Variants in CRYBG1 observed in about 807,000 individuals in gnomAD.
The protein encoded by CRYBG1 is beta/gamma crystallin domain-containing protein 1.
Under a neutral mutation model 189.2 loss-of-function variants are expected in CRYBG1, and 139 were observed. The ratio of observed to expected loss-of-function variants is 0.73; its 90% CI spans 0.64 to 0.85. The LOEUF is 0.85. CRYBG1 is among the 40% of genes least tolerant of loss of function. The pLI, the probability that CRYBG1 is intolerant of heterozygous loss-of-function variation, is 0.00. For missense variants in CRYBG1, 2,611 were observed against 2,675.8 expected, an observed-to-expected ratio of 0.98 and a Z score of 0.53; for synonymous variants, 1,023 against 1,017.1, an observed-to-expected ratio of 1.01 and a Z score of -0.11.
chr6:106,535,670 A>G lies in CRYBG1; in HGVS notation c.4719-3733A>G, dbSNP rs143433741. ...TCAAATCAGGATCCAATCAAGGTTC[A>G]CATAAATGCGTTTGATTGTTCTGTC... On this transcript the variant is annotated intron_variant, in intron 8 of 21. Transcript: ENST00000633556. Among the ~76,000 whole-genome samples the G allele has an allele frequency of 6.3e-3, 961 of 152,278 alleles. 6 individuals are homozygous for G. The highest frequency in any genetic ancestry group is 0.011 in the Non-Finnish European group (725 of 68,032).
At chr6:106,562,650 CTAACTTTTT>C (rs1774756059) in intron 20 of CRYBG1, among the ~76,000 whole-genome samples, 1 of 152,098 alleles carries the variant, frequency 6.6e-6, no homozygotes, top group South Asian at 2.1e-4. Flanking sequence ...CCACGCCCAG[CTAACTTTTT>C]TGTATTTTTA....
chr6:106,394,047 G>A (rs561059819), intron 1 of CRYBG1, among the ~76,000 whole-genome samples: 1 of 152,158 alleles, frequency 6.6e-6, no homozygotes, highest in African/African-American at 2.4e-5. Flanking sequence ...TGAATGAAAG[G>A]GTATACGGCC....
At chr6:106,470,641 CAAGTATAT>C (rs1772214165) in intron 2 of CRYBG1, among the ~76,000 whole-genome samples, 1 of 152,058 alleles carries the variant, frequency 6.6e-6, no homozygotes, top group Admixed American at 6.5e-5. Context: ...AACACAAAAG[CAAGTATAT>C]AATCATAAAA....
chr6:106,429,031 T>C (rs1392478765), intron 1 of CRYBG1, among the ~76,000 whole-genome samples: 1 of 152,222 alleles, frequency 6.6e-6, no homozygotes, highest in Non-Finnish European at 1.5e-5. Flanking sequence ...CTTCTCTTTA[T>C]GGAGATTTTT....
intron 9 of CRYBG1, among the ~76,000 whole-genome samples, chr6:106,540,157 C>T (rs921146730): frequency 6.6e-6 from 1 of 152,056 alleles, no homozygotes; most frequent in Non-Finnish European, 1.5e-5. Flanking sequence ...CTCCCTTGTC[C>T]CAGTGTCTTG....
chr6:106,421,073 C>T (rs1258231747), intron 1 of CRYBG1, among the ~76,000 whole-genome samples: 1 of 152,100 alleles, frequency 6.6e-6, no homozygotes, highest in Non-Finnish European at 1.5e-5. Context: ...GGAATGGGGA[C>T]AGGAAGCCAT....
Position 106,361,975 on chromosome 6 carries a change from T to C in CRYBG1, c.173+894T>C, listed in dbSNP as rs1383775015. 3.8e-5 allele frequency among the ~76,000 whole-genome samples: 5 copies of C among 129,976 alleles called. No individual in the cohort carries two copies. In the East Asian group the frequency reaches 1.1e-3, roughly 30 times the overall value. 85.3% of individuals were successfully genotyped at this position (129,976 alleles called of 152,430 possible). On this transcript the variant is annotated intron_variant, in intron 1 of 21. Coordinates refer to ENST00000633556, the MANE Select transcript of CRYBG1 (RefSeq NM_001371242.2). ...TCCTTTTATTTCTTTCTTTCTTTTTTTTTTTTTTTTTCTGAGACGGAGTCT... is the reference window on the plus strand; with the variant it reads ...TCCTTTTATTTCTTTCTTTCTTTTTCTTTTTTTTTTTCTGAGACGGAGTCT...
At chr6:106,469,596 ATTTGG>A (rs1772188206) in intron 2 of CRYBG1, among the ~76,000 whole-genome samples, 1 of 151,970 alleles carries the variant, frequency 6.6e-6, no homozygotes, top group Non-Finnish European at 1.5e-5. Flanking sequence ...CAATTTTTTG[ATTTGG>A]TTTGATTTAT....
chr6:106,512,701 G>C lies in CRYBG1; in HGVS notation c.1584G>C (p.Pro528=), dbSNP rs780462057. Residue 528 remains proline, a synonymous_variant, in exon 3 of 22, where the codon CCG becomes CCC. Transcript: ENST00000633556. Reference sequence around the variant, plus strand: ...GTGCCCTCGAGGCCGTGCCCGCCCCGCCCGCCAGCGGCCCCCGGGCTCCCG... The same window carrying C: ...GTGCCCTCGAGGCCGTGCCCGCCCCCCCCGCCAGCGGCCCCCGGGCTCCCG... ...RSRALEAVPA[P]PASGPRAPAK... The C allele has an allele frequency of 1.3e-6, 2 of 1,545,110 alleles. No individual in the cohort carries two copies. Among genetic ancestry groups the C allele is most frequent in the Non-Finnish European group, 1.7e-6 (2 of 1,145,486 alleles).
chr6:106,503,695 C>T (rs903356725), intron 2 of CRYBG1, among the ~76,000 whole-genome samples: 1 of 152,128 alleles, frequency 6.6e-6, no homozygotes, highest in Admixed American at 6.5e-5. Context: ...ATGATCTTAT[C>T]TTTTATCTTC....
At chr6:106,468,561 G>C (rs1313982179) in intron 2 of CRYBG1, among the ~76,000 whole-genome samples, 4 of 152,188 alleles carry the variant, frequency 2.6e-5, no homozygotes, top group Non-Finnish European at 5.9e-5. Context: ...ATGATGGCGT[G>C]TGCCTGTAGT....
At chr6:106,476,224 C>T (rs1772331944) in intron 2 of CRYBG1, among the ~76,000 whole-genome samples, 1 of 152,124 alleles carries the variant, frequency 6.6e-6, no homozygotes, top group Admixed American at 6.5e-5. Flanking sequence ...GTAACAAGAA[C>T]ATGTTATTTT....
intron 21 of CRYBG1, among the ~76,000 whole-genome samples, chr6:106,566,089 CTCTTA>C (rs904201264): frequency 4.6e-5 from 7 of 150,538 alleles, no homozygotes; most frequent in Non-Finnish European, 8.8e-5. Context: ...GAGCTTTCTT[CTCTTA>C]TTCTTTCAAC....
intron 1 of CRYBG1, among the ~76,000 whole-genome samples, chr6:106,398,469 A>ATAAG (rs528689685): frequency 1.7e-4 from 26 of 152,226 alleles, no homozygotes; most frequent in East Asian, 9.7e-4. Context: ...AAATAAATAA[A>ATAAG]TAATAAAATC....
At chr6:106,511,306 C>T in intron 2 of CRYBG1, 124 bp from the exon 3 acceptor site, 2 of 938,962 alleles carry the variant, frequency 2.1e-6, no homozygotes, top group East Asian at 5.4e-5. Flanking sequence ...ATAAACATAA[C>T]TTTATCATTT....
At chr6:106,542,733 C>T (rs1208259114) in intron 10 of CRYBG1, among the ~76,000 whole-genome samples, 2 of 150,064 alleles carry the variant, frequency 1.3e-5, no homozygotes, top group Non-Finnish European at 3.0e-5. Context: ...CTCACTTAAC[C>T]CTCTGCCTCC....
chr6:106,444,059 T>C (rs773041704), intron 1 of CRYBG1, among the ~76,000 whole-genome samples: 1 of 152,216 alleles, frequency 6.6e-6, no homozygotes, highest in Non-Finnish European at 1.5e-5. Context: ...CCAGAAGCTT[T>C]GTTTGGTGCT....
chr6:106,394,666 T>TATGTTAAGTATA (rs1470178660), intron 1 of CRYBG1, among the ~76,000 whole-genome samples: 1 of 152,226 alleles, frequency 6.6e-6, no homozygotes. Flanking sequence ...GTATGTTAAG[T>TATGTTAAGTATA]TTGTTTCATA....
intron 2 of CRYBG1, among the ~76,000 whole-genome samples, chr6:106,497,132 T>C (rs1312338952): frequency 5.9e-5 from 9 of 151,958 alleles, no homozygotes; most frequent in Non-Finnish European, 1.3e-4. Flanking sequence ...ACACATATAG[T>C]CCTAACCTCT....
Sources: allele counts gnomAD v4.1 joint callset (sites outside exome capture counted in the v4.1 genomes callset), GRCh38; gene constraint gnomAD v4.1.1; transcripts MANE v1.5; gene names NCBI Gene and HGNC (gene_info 2026-07-23, HGNC 2026-07-21).